STK31: variants seen among roughly 807,000 people sequenced by gnomAD.
STK31 encodes serine/threonine kinase 31.
A neutral mutation model predicts 129.7 loss-of-function variants in STK31; 89 were observed. That is an observed-to-expected ratio of 0.69 (90% confidence interval 0.58 to 0.82). The LOEUF is 0.82. STK31 is among the 40% of genes least tolerant of loss of function. The pLI is 0.00. For synonymous variants in STK31, 448 were observed against 395.3 expected (o/e 1.13, Z -1.58); for missense variants, 1,187 against 1,176.4 (o/e 1.01, Z -0.13).
In STK31 at chr7:23,762,826, A is replaced by G. The variant is rs1789550562; in HGVS notation, c.1319A>G (p.Gln440Arg). Reference protein sequence around the residue: ...YVSEGNILIAQRNEMQQKLYM... With the variant: ...YVSEGNILIARRNEMQQKLYM... ...AGTGAAGGGAATATTTTGATTGCCC[A>G]AAGAAATGAAATGCAGCAGAAGCTG... Residue 440 changes from glutamine to arginine, a missense_variant, in exon 11 of 24, where the codon CAA becomes CGA. Transcript: ENST00000355870. 3 of 1,609,124 alleles carry G rather than the reference A, an allele frequency of 1.9e-6. No individual in the cohort carries two copies. Among genetic ancestry groups the G allele is most frequent in the Non-Finnish European group, 1.7e-6 (2 of 1,178,334 alleles).
intron 22 of STK31, among the ~76,000 whole-genome samples, chr7:23,792,493 A>G (rs972597514): frequency 3.3e-5 from 5 of 152,186 alleles, no homozygotes; most frequent in Non-Finnish European, 5.9e-5. Flanking sequence ...GCGATACACC[A>G]TGCTCATGGA....
chr7:23,757,594 C>T (rs1789174971), intron 10 of STK31, among the ~76,000 whole-genome samples: 1 of 152,144 alleles, frequency 6.6e-6, no homozygotes, highest in Admixed American at 6.5e-5. Flanking sequence ...GTCTCACCTC[C>T]AGCCTTAAGG....
At chr7:23,793,312 T>C (rs556802731) in intron 22 of STK31, among the ~76,000 whole-genome samples, 8 of 152,288 alleles carry the variant, frequency 5.3e-5, no homozygotes, top group South Asian at 4.1e-4. Flanking sequence ...AAACATAGGA[T>C]GAAATATTTG....
chr7:23,785,357 G>T (rs537735248), intron 17 of STK31, 121 bp from the exon 18 acceptor site: 9 of 1,351,562 alleles, frequency 6.7e-6, no homozygotes, highest in Non-Finnish European at 9.0e-6. Flanking sequence ...TAATTTTGTT[G>T]GTTTTTCCAG....
chr7:23,814,146 C>CTTTTTTTTTT (rs71552259), intron 22 of STK31, among the ~76,000 whole-genome samples: 8,885 of 98,146 alleles, frequency 0.091, 2,480 homozygotes, highest in East Asian at 0.14. Context: ...ATCTGGCTCA[C>CTTTTTTTTTT]TTATTTTTTT....
chr7:23,810,127 T>G (rs1199205943), intron 22 of STK31, among the ~76,000 whole-genome samples: 1 of 152,186 alleles, frequency 6.6e-6, no homozygotes, highest in Non-Finnish European at 1.5e-5. Context: ...TCTTAGTAGA[T>G]TGATACTTTT....
intron 23 of STK31, among the ~76,000 whole-genome samples, chr7:23,824,961 G>T (rs530187268): frequency 1.3e-5 from 2 of 152,184 alleles, no homozygotes; most frequent in Admixed American, 1.3e-4. Flanking sequence ...CTTGATCATG[G>T]TGGGTAAGCT....
At chr7:23,811,968 T>C (rs1008672388) in intron 22 of STK31, among the ~76,000 whole-genome samples, 4 of 152,218 alleles carry the variant, frequency 2.6e-5, no homozygotes. Context: ...GATCATCATA[T>C]ATGATTAGAA....
Position 23,727,237 on chromosome 7 carries a change from G to A in STK31, c.250-4G>A, listed in dbSNP as rs1584337387. On this transcript the variant is annotated splice_region_variant and splice_polypyrimidine_tract_variant and intron_variant, in intron 4 of 23. Coordinates refer to ENST00000355870, the MANE Select transcript of STK31 (RefSeq NM_031414.5). ...AGTAATTTTGCTTTCTTTTCTCTTT[G>A]TAGATTTATGGTGGATTATTTTCTG... is the stretch of plus-strand genomic sequence containing the variant. 6.2e-7 allele frequency: 1 copy of A among 1,612,922 alleles called. No homozygotes were observed. Among genetic ancestry groups the A allele is most frequent in the African/African-American group, 1.3e-5 (1 of 74,834 alleles).
intron 17 of STK31, among the ~76,000 whole-genome samples, chr7:23,784,014 A>G (rs1482285970): frequency 6.6e-6 from 1 of 152,160 alleles, no homozygotes; most frequent in Admixed American, 6.5e-5. Context: ...GCCCTGAGGG[A>G]TTTGAGCACA....
chr7:23,806,830 G>GC (rs1418493845), intron 22 of STK31, among the ~76,000 whole-genome samples: 1 of 150,846 alleles, frequency 6.6e-6, no homozygotes, highest in African/African-American at 2.4e-5. Flanking sequence ...AACCCGGGAG[G>GC]CGGAGCTTGC....
In STK31 at chr7:23,810,584, T is replaced by G. The variant is rs141854113; in HGVS notation, c.2761-4560T>G. On this transcript the variant is annotated intron_variant, in intron 22 of 23. Coordinates refer to ENST00000355870, the MANE Select transcript of STK31 (RefSeq NM_031414.5). ...TTCCTGTGCATTACTTGAAAAAATT[T>G]TAAGAGTCCATCTTTTTATATATAT... Among the ~76,000 whole-genome samples, 865 of 131,488 alleles carry G rather than the reference T, an allele frequency of 6.6e-3. 17 individuals are homozygous for G. The highest frequency in any genetic ancestry group is 0.024 in the African/African-American group (828 of 34,314). 86.3% of individuals were successfully genotyped at this position (131,488 alleles called of 152,430 possible).
Position 23,727,480 on chromosome 7 carries a change from A to G in STK31, c.324+165A>G, listed in dbSNP as rs927683465. On this transcript the variant is annotated intron_variant, in intron 5 of 23. Transcript: ENST00000355870. ...TTGCTAAAAAACATGTTGTTTTATA[A>G]TCACCTCAGATTATTCAAGAATAGA... The G allele has an allele frequency of 2.2e-5, 13 of 598,374 alleles. No homozygotes were observed. The African/African-American group carries it at 2.4e-4, about 11-fold the overall frequency. The allele number at this position is 598,374 out of a possible 1,614,324, so 37.1% of individuals were successfully genotyped here. A position where few individuals can be genotyped will look rare whatever the true frequency, so the allele number is the denominator to read the frequency against.
chr7:23,808,171 T>TA (rs1378297880), intron 22 of STK31, among the ~76,000 whole-genome samples: 4 of 129,354 alleles, frequency 3.1e-5, no homozygotes, highest in Non-Finnish European at 3.4e-5. Context: ...ATATATATAT[T>TA]TTTTGTAGGC....
chr7:23,756,824 G>A (rs1183496040), intron 10 of STK31, among the ~76,000 whole-genome samples: 3 of 152,130 alleles, frequency 2.0e-5, no homozygotes, highest in Admixed American at 6.6e-5. Context: ...CCAGCCTTGC[G>A]TCCCAGGGAT....
At position 23,736,962 on chromosome 7, in the gene STK31, A is replaced by G. The variant is rs917680912; in HGVS notation, c.901A>G (p.Lys301Glu). 1.2e-6 allele frequency: 2 copies of G among 1,613,710 alleles called. No homozygotes were observed. Among genetic ancestry groups the G allele is most frequent in the Non-Finnish European group, 1.7e-6 (2 of 1,179,862 alleles). The change falls in exon 8 of 24, where the codon AAG becomes GAG. Residue 301 changes from lysine (K) to glutamate (E), a missense_variant. By Grantham distance (56) the Lys-to-Glu change is moderately conservative. Coordinates refer to ENST00000355870, the MANE Select transcript of STK31 (RefSeq NM_031414.5). ...GTCTAACGTCAGCCTGGAAAAAATT[A>G]AGCAGGACCAGAAACTGATTGAAGA... ...LGSNVSLEKI[K>E]QDQKLIEENE... is the part of the protein sequence containing the mutation.
At chr7:23,720,237 A>G (rs1786609840) in intron 4 of STK31, among the ~76,000 whole-genome samples, 1 of 152,236 alleles carries the variant, frequency 6.6e-6, no homozygotes, top group Non-Finnish European at 1.5e-5. Context: ...GATATGTTTC[A>G]GAACAGGATT....
intron 5 of STK31, among the ~76,000 whole-genome samples, chr7:23,728,885 TAAAGA>T (rs1787236351): frequency 6.6e-6 from 1 of 152,198 alleles, no homozygotes; most frequent in Non-Finnish European, 1.5e-5. Context: ...TAGTAACAAG[TAAAGA>T]AATCACTGTA....
chr7:23,802,280 A>G (rs376032501), intron 22 of STK31, among the ~76,000 whole-genome samples: 1 of 152,166 alleles, frequency 6.6e-6, no homozygotes, highest in Non-Finnish European at 1.5e-5. Context: ...ACCTTGTGAC[A>G]TTTGTGGTAG....
Sources: allele counts gnomAD v4.1 joint callset (sites outside exome capture counted in the v4.1 genomes callset), GRCh38; gene constraint gnomAD v4.1.1; transcripts MANE v1.5; gene names NCBI Gene and HGNC (gene_info 2026-07-23, HGNC 2026-07-21).